The following ACER2 variants were observed in gnomAD, a reference collection of about 807,000 sequenced individuals.
ACER2 encodes the protein alkaline ceramidase 2.
A neutral mutation model predicts 34.7 loss-of-function variants in ACER2; 26 were observed. The ratio of observed to expected loss-of-function variants is 0.75; its 90% CI spans 0.55 to 1.04. ACER2 has a LOEUF of 1.04. ACER2 is among the 50% of genes least tolerant of loss of function. The pLI is 0.00. For missense variants in ACER2, 352 were observed against 340.8 expected, an observed-to-expected ratio of 1.03 and a Z score of -0.26; for synonymous variants, 138 against 132.1, an observed-to-expected ratio of 1.04 and a Z score of -0.31.
intron 4 of ACER2, among the ~76,000 whole-genome samples, chr9:19,439,718 A>G (rs1377373809): frequency 6.6e-6 from 1 of 152,194 alleles, no homozygotes; most frequent in African/African-American, 2.4e-5. Flanking sequence ...CTGTAATCCC[A>G]TCACTTTGGG....
At chr9:19,439,908 G>C (rs138302879) in intron 4 of ACER2, among the ~76,000 whole-genome samples, 1 of 152,122 alleles carries the variant, frequency 6.6e-6, no homozygotes, top group Non-Finnish European at 1.5e-5. Flanking sequence ...CGGAGGTTGT[G>C]GTGCGTGGAG....
intron 4 of ACER2, among the ~76,000 whole-genome samples, chr9:19,444,845 G>A (rs911737499): frequency 5.9e-5 from 9 of 152,184 alleles, no homozygotes; most frequent in African/African-American, 1.7e-4. Context: ...CATGTCATCG[G>A]CCTCTATTCT....
rs377632876 is a variant in ACER2, at chr9:19,450,557, A to G, written c.749A>G (p.Asn250Ser). The change falls in exon 6 of 6, where the codon AAT becomes AGT. Residue 250 changes from asparagine (N) to serine (S), a missense_variant. Asn to Ser is a conservative substitution (Grantham distance 46). Coordinates refer to ENST00000340967, the MANE Select transcript of ACER2 (RefSeq NM_001010887.3). ...GGCCCTGTCATCAAGTTCTGGCCCA[A>G]TGAGAAATGGGCCTTCATTGGTGTC... Reference protein sequence around the residue: ...EQGPVIKFWPNEKWAFIGVPY... With the variant: ...EQGPVIKFWPSEKWAFIGVPY... The G allele has an allele frequency of 8.1e-5, 130 of 1,610,668 alleles. No homozygotes were observed. The highest frequency in any genetic ancestry group is 4.9e-4 in the Middle Eastern group (3 of 6,072).
chr9:19,430,409 T>TGTCA (rs375116168), intron 3 of ACER2, among the ~76,000 whole-genome samples: 6 of 152,296 alleles, frequency 3.9e-5, no homozygotes, highest in African/African-American at 1.4e-4. Flanking sequence ...GACCAGAGGC[T>TGTCA]GTCATCAATC....
In ACER2 at chr9:19,452,238, C is replaced by T. The variant is rs2132542961; in HGVS notation, c.*1602C>T. Among the ~76,000 whole-genome samples, 1 of 152,324 alleles carries T rather than the reference C, an allele frequency of 6.6e-6. No individual in the cohort carries two copies. The highest frequency in any genetic ancestry group is 1.9e-4 in the East Asian group (1 of 5,184). ...TCTTCTGTGGGCAGGAGTCATGTCA[C>T]TGTCCTACATATGTAAGAGTTGGGA... On this transcript the variant is annotated 3_prime_UTR_variant, in exon 6 of 6. Transcript: ENST00000340967.
intron 3 of ACER2, among the ~76,000 whole-genome samples, chr9:19,428,456 C>A (rs1483541440): frequency 6.6e-6 from 1 of 152,048 alleles, no homozygotes; most frequent in African/African-American, 2.4e-5. Flanking sequence ...GTATGAGCCA[C>A]CATATCTGGC....
chr9:19,419,380 C>T (rs77336020), intron 1 of ACER2, among the ~76,000 whole-genome samples: 9 of 152,174 alleles, frequency 5.9e-5, no homozygotes, highest in East Asian at 5.8e-4. Context: ...CCACCTGGGA[C>T]GTCTCAGACA....
At chr9:19,433,149 CTTTTTTT>C (rs57915019) in intron 3 of ACER2, among the ~76,000 whole-genome samples, 3 of 61,362 alleles carry the variant, frequency 4.9e-5, no homozygotes, top group Admixed American at 2.1e-4. Flanking sequence ...GTGTGAGTGG[CTTTTTTT>C]TTTTTTTTTT....
chr9:19,411,469 C>G (rs1461777534), intron 1 of ACER2, among the ~76,000 whole-genome samples: 3 of 152,168 alleles, frequency 2.0e-5, no homozygotes, highest in Admixed American at 2.0e-4. Context: ...ACTGCGACCT[C>G]CACCTCCAGG....
At chr9:19,436,652 T>C (rs1830987497) in intron 4 of ACER2, among the ~76,000 whole-genome samples, 1 of 152,228 alleles carries the variant, frequency 6.6e-6, no homozygotes, top group Non-Finnish European at 1.5e-5. Flanking sequence ...CCTCCTTCTC[T>C]GTAAATCAAT....
At chr9:19,434,866 C>A in intron 3 of ACER2, 81 bp from the exon 4 acceptor site, 5 of 1,558,038 alleles carry the variant, frequency 3.2e-6, no homozygotes, top group Non-Finnish European at 4.4e-6. Context: ...TCTGGCAATG[C>A]CTGTACCTTG....
chr9:19,451,175 C>T lies in ACER2; in HGVS notation c.*539C>T, dbSNP rs1831557756. On this transcript the variant is annotated 3_prime_UTR_variant, in exon 6 of 6. Transcript: ENST00000340967. ...GTCCCTTGGGGGATCCAGCCCTGTACAATGCATCTCTTCCTGGAGAAAGCT... is the reference window on the plus strand; with the variant it reads ...GTCCCTTGGGGGATCCAGCCCTGTATAATGCATCTCTTCCTGGAGAAAGCT... 6.6e-6 allele frequency: 1 copy of T among 152,318 alleles called. No individual in the cohort carries two copies. The allele number at this position is 152,318 out of a possible 1,614,324, so 9.4% of individuals were successfully genotyped here.
intron 1 of ACER2, among the ~76,000 whole-genome samples, chr9:19,417,180 C>T (rs1462998614): frequency 1.3e-5 from 2 of 152,142 alleles, no homozygotes; most frequent in Non-Finnish European, 2.9e-5. Context: ...TATGAAGGAC[C>T]TCTTCAAGGA....
intron 1 of ACER2, 62 bp from the exon 2 acceptor site, chr9:19,423,800 A>T (rs1385415510): frequency 8.0e-7 from 1 of 1,245,208 alleles, no homozygotes; most frequent in Non-Finnish European, 1.2e-6. Context: ...GGAAGAGGCC[A>T]CTTTATTTTT....
intron 4 of ACER2, 141 bp from the exon 5 acceptor site, chr9:19,446,140 G>C (rs758043660): frequency 8.6e-7 from 1 of 1,162,546 alleles, no homozygotes; most frequent in Non-Finnish European, 1.3e-6. Flanking sequence ...AGACTGTGGA[G>C]TGACTGTGTG....
chr9:19,434,472 G>A (rs1245105162), intron 3 of ACER2, among the ~76,000 whole-genome samples: 1 of 152,264 alleles, frequency 6.6e-6, no homozygotes, highest in Non-Finnish European at 1.5e-5. Flanking sequence ...CTGCACTCCA[G>A]CCTGGGCGCC....
At chr9:19,435,133 C>T (rs1830918523) in intron 4 of ACER2, 49 bp downstream of exon 4, 1 of 1,600,740 alleles carries the variant, frequency 6.2e-7, no homozygotes, top group Non-Finnish European at 8.5e-7. Flanking sequence ...GTGCTGGGAA[C>T]ACACCAGTTC....
At chr9:19,440,054 C>T (rs1409275881) in intron 4 of ACER2, among the ~76,000 whole-genome samples, 2 of 152,084 alleles carry the variant, frequency 1.3e-5, no homozygotes, top group African/African-American at 4.8e-5. Context: ...TCTGCCCCTA[C>T]TTTGTTACCC....
chr9:19,436,326 G>A (rs1324916705), intron 4 of ACER2, among the ~76,000 whole-genome samples: 1 of 152,026 alleles, frequency 6.6e-6, no homozygotes, highest in Non-Finnish European at 1.5e-5. Context: ...ATTTTATCAA[G>A]TAGCTCATAT....
Sources: gnomAD v4.1 joint callset for allele counts (sites outside exome capture counted in the v4.1 genomes callset) on GRCh38, gnomAD v4.1.1 for gene constraint, MANE v1.5 for transcripts, NCBI Gene and HGNC (gene_info 2026-07-23, HGNC 2026-07-21) for gene names.